The following TENM2 variants were observed in gnomAD, a reference collection of about 807,000 sequenced individuals.
TENM2 encodes the protein teneurin transmembrane protein 2.
A neutral mutation model predicts 245.2 loss-of-function variants in TENM2; 52 were observed. The ratio of observed to expected loss-of-function variants is 0.21; its 90% CI spans 0.17 to 0.27. The LOEUF (loss-of-function observed/expected upper bound fraction) is 0.27, where lower values mean the gene tolerates loss of function less well. Among genes scored for constraint, TENM2 ranks in the 10% least tolerant of loss-of-function variants. The pLI is 1.00. For missense variants in TENM2, 3,046 were observed against 3,666.8 expected, an observed-to-expected ratio of 0.83 and a Z score of 4.37; for synonymous variants, 1,363 against 1,438.9, an observed-to-expected ratio of 0.95 and a Z score of 1.19.
At chr5:168,262,621 G>C (rs1232020477) in exon 29 of TENM2, 3 of 1,592,998 alleles carry the variant, frequency 1.9e-6, no homozygotes, top group Non-Finnish European at 2.6e-6. Context: ...CCAAGGAGCA[G>C]CAGAAAGCCA....
chr5:168,174,342 A>C (rs920308144), intron 13 of TENM2, among the ~76,000 whole-genome samples: 1 of 152,128 alleles, frequency 6.6e-6, no homozygotes, highest in Non-Finnish European at 1.5e-5. Context: ...TCAAGATATG[A>C]GCTTAAATTT....
At chr5:167,620,549 C>CTTTTTTTTT (rs11455974) in intron 2 of TENM2, among the ~76,000 whole-genome samples, 170 of 73,306 alleles carry the variant, frequency 2.3e-3, no homozygotes, top group Non-Finnish European at 3.2e-3. Flanking sequence ...TGCTTTTTGG[C>CTTTTTTTTT]TTTTTTTTTT....
intron 2 of TENM2, among the ~76,000 whole-genome samples, chr5:167,464,244 T>TAG (rs373765222): frequency 3.8e-4 from 58 of 150,722 alleles, no homozygotes; most frequent in Middle Eastern, 3.2e-3. Flanking sequence ...AAAGATGCTT[T>TAG]AGAGAGAGAG....
At chr5:167,487,974 T>C (rs796956258) in intron 2 of TENM2, among the ~76,000 whole-genome samples, 25 of 152,250 alleles carry the variant, frequency 1.6e-4, no homozygotes, top group African/African-American at 6.0e-4. Flanking sequence ...TTTTGAAAAA[T>C]AGAGAAAATG....
At chr5:166,986,792 T>C in the TENM2 span, among the ~76,000 whole-genome samples, 1 of 152,208 alleles carries the variant, frequency 6.6e-6, no homozygotes, top group East Asian at 1.9e-4. Flanking sequence ...GAAGCTACCA[T>C]TCAGTTCAAG....
chr5:168,196,389 A>G (rs183308274), intron 15 of TENM2, among the ~76,000 whole-genome samples: 116 of 152,374 alleles, frequency 7.6e-4, no homozygotes, highest in Non-Finnish European at 8.4e-4. Flanking sequence ...TTTAAAGCAC[A>G]GGATGGCAGA....
chr5:167,265,319 G>T, the TENM2 span, among the ~76,000 whole-genome samples: 5 of 117,370 alleles, frequency 4.3e-5, no homozygotes, highest in Admixed American at 5.4e-4. Flanking sequence ...GTGACACAGT[G>T]AGACTCTGTC....
intron 5 of TENM2, among the ~76,000 whole-genome samples, chr5:168,035,271 C>T (rs920727153): frequency 6.6e-6 from 1 of 152,046 alleles, no homozygotes; most frequent in African/African-American, 2.4e-5. Flanking sequence ...ACTGTGGGAG[C>T]AGATGACCTG....
At chr5:167,469,940 T>A (rs1336919624) in intron 2 of TENM2, among the ~76,000 whole-genome samples, 1 of 152,194 alleles carries the variant, frequency 6.6e-6, no homozygotes, top group Admixed American at 6.5e-5. Flanking sequence ...GTTAGTAGTG[T>A]CCACTATCTT....
chr5:167,952,452 A>G (rs1024427957), intron 3 of TENM2, 136 bp from the exon 6 acceptor site: 10 of 698,546 alleles, frequency 1.4e-5, no homozygotes, highest in African/African-American at 1.3e-4. Context: ...CCGCAGTCTT[A>G]TCTGTCGCTC....
the TENM2 span, among the ~76,000 whole-genome samples, chr5:167,157,016 C>G: frequency 9.0e-3 from 1,368 of 152,150 alleles, 22 homozygotes; most frequent in African/African-American, 0.032. Flanking sequence ...ACCAAGCATT[C>G]GCATTTATTT....
intron 17 of TENM2, among the ~76,000 whole-genome samples, chr5:168,201,966 C>G (rs1017319915): frequency 1.3e-5 from 2 of 152,164 alleles, no homozygotes; most frequent in Non-Finnish European, 2.9e-5. Context: ...TTGAAGCTTT[C>G]TCAGGTTCAG....
chr5:167,407,985 C>T (rs747226372), intron 2 of TENM2, among the ~76,000 whole-genome samples: 21 of 152,120 alleles, frequency 1.4e-4, no homozygotes, highest in African/African-American at 3.4e-4. Flanking sequence ...TGATCACATC[C>T]GTACTTGGAA....
chr5:167,223,737 C>T, the TENM2 span, among the ~76,000 whole-genome samples: 325 of 152,190 alleles, frequency 2.1e-3, no homozygotes, highest in Non-Finnish European at 3.7e-3. Flanking sequence ...TATGGTAGCT[C>T]TATTTTTAGT....
rs550404512 is a variant in TENM2, at chr5:167,747,104, G to A, written c.503-128882G>A. Among the ~76,000 whole-genome samples, 18 of 152,246 alleles carry A rather than the reference G, an allele frequency of 1.2e-4. No homozygotes were observed. The East Asian group carries it at 1.9e-3, about 16-fold the overall frequency. ...AGGGAACATTTGCATTTACACATGT[G>A]TCAGGAGCAGAAGGTGATGAGCTGA... On this transcript the variant is annotated intron_variant, in intron 2 of 28. Coordinates refer to ENST00000518659, the Ensembl canonical transcript of TENM2.
chr5:167,527,653 A>G (rs1771213168), intron 2 of TENM2, among the ~76,000 whole-genome samples: 1 of 152,128 alleles, frequency 6.6e-6, no homozygotes, highest in Admixed American at 6.6e-5. Context: ...CTGTGCATAC[A>G]TCTCTTATTT....
intron 2 of TENM2, among the ~76,000 whole-genome samples, chr5:167,630,846 C>T (rs1350772746): frequency 6.6e-6 from 1 of 152,174 alleles, no homozygotes; most frequent in Admixed American, 6.5e-5. Context: ...CCTGGGAAAG[C>T]CCCAGAGTGG....
intron 5 of TENM2, among the ~76,000 whole-genome samples, chr5:168,008,227 G>C (rs565688959): frequency 1.6e-4 from 24 of 152,128 alleles, no homozygotes; most frequent in Admixed American, 2.6e-4. Context: ...CATTCCAGAT[G>C]GGGGAACTAG....
At chr5:167,115,303 A>C in the TENM2 span, among the ~76,000 whole-genome samples, 4 of 152,144 alleles carry the variant, frequency 2.6e-5, no homozygotes, top group Non-Finnish European at 5.9e-5. Context: ...TTCAGCTTTA[A>C]AAAAATATTC....
Sources: gnomAD v4.1 joint callset for allele counts (sites outside exome capture counted in the v4.1 genomes callset) on GRCh38, gnomAD v4.1.1 for gene constraint, MANE v1.5 for transcripts, NCBI Gene and HGNC (gene_info 2026-07-23, HGNC 2026-07-21) for gene names.